ARHGAP31: variants seen among roughly 807,000 people sequenced by gnomAD.
ARHGAP31 encodes the protein Rho GTPase activating protein 31, also known as rho GTPase-activating protein 31.
A neutral mutation model predicts 113.9 loss-of-function variants in ARHGAP31; 34 were observed. The observed-to-expected ratio is 0.30, with a 90% CI of 0.23 to 0.40. The LOEUF (loss-of-function observed/expected upper bound fraction) is 0.40. Ranked by LOEUF, ARHGAP31 falls within the 10% of genes least tolerant of loss-of-function variation. ARHGAP31 has a pLI of 1.00. For missense variants in ARHGAP31, 1,548 were observed against 1,767.1 expected (o/e 0.88, Z 2.22); for synonymous variants, 650 against 684.8 (o/e 0.95, Z 0.79).
chr3:119,398,605 G>T (rs571218377), intron 8 of ARHGAP31, among the ~76,000 whole-genome samples: 1 of 152,282 alleles, frequency 6.6e-6, no homozygotes, highest in African/African-American at 2.4e-5. Flanking sequence ...AAGATGCATG[G>T]TGCATACCCA....
At chr3:119,408,755 T>C (rs1285694019) in intron 10 of ARHGAP31, among the ~76,000 whole-genome samples, 1 of 152,204 alleles carries the variant, frequency 6.6e-6, no homozygotes, top group Non-Finnish European at 1.5e-5. Flanking sequence ...AACAGCTTTA[T>C]GCAAAGAAAT....
At chr3:119,397,630 G>A (rs1361644665) in intron 8 of ARHGAP31, among the ~76,000 whole-genome samples, 1 of 152,252 alleles carries the variant, frequency 6.6e-6, no homozygotes, top group Non-Finnish European at 1.5e-5. Flanking sequence ...GCGTCCCACA[G>A]TGGGCCCCAG....
chr3:119,406,366 T>C (rs1397392661), intron 10 of ARHGAP31, among the ~76,000 whole-genome samples: 1 of 152,234 alleles, frequency 6.6e-6, no homozygotes, highest in Non-Finnish European at 1.5e-5. Context: ...AAATTATGGA[T>C]GCATTTACCC....
chr3:119,310,532 C>T (rs561410525), intron 1 of ARHGAP31, among the ~76,000 whole-genome samples: 1 of 152,310 alleles, frequency 6.6e-6, no homozygotes. Context: ...GCTCTGCTTC[C>T]TGTCAGATCA....
intron 1 of ARHGAP31, among the ~76,000 whole-genome samples, chr3:119,341,364 T>C (rs2080007005): frequency 6.6e-6 from 1 of 152,226 alleles, no homozygotes; most frequent in African/African-American, 2.4e-5. Flanking sequence ...CAAACTAGTA[T>C]GTAACACTTT....
intron 1 of ARHGAP31, among the ~76,000 whole-genome samples, chr3:119,320,838 G>A (rs1177786312): frequency 6.6e-6 from 1 of 152,074 alleles, no homozygotes; most frequent in Non-Finnish European, 1.5e-5. Context: ...GAATTCCCAC[G>A]TGTTGTGGGA....
chr3:119,332,568 A>C (rs1482148089), intron 1 of ARHGAP31, among the ~76,000 whole-genome samples: 1 of 150,468 alleles, frequency 6.6e-6, no homozygotes, highest in Non-Finnish European at 1.5e-5. Context: ...GTCTCTCTGG[A>C]GCAGAGTGCA....
chr3:119,371,944 C>A (rs1181928459), intron 3 of ARHGAP31, among the ~76,000 whole-genome samples: 1 of 152,152 alleles, frequency 6.6e-6, no homozygotes, highest in East Asian at 1.9e-4. Flanking sequence ...TGATCTTATT[C>A]TTTTTTAAGG....
chr3:119,413,563 C>T (rs1037054756), intron 11 of ARHGAP31, among the ~76,000 whole-genome samples: 2 of 152,114 alleles, frequency 1.3e-5, no homozygotes, highest in Non-Finnish European at 2.9e-5. Context: ...TGCTGTATGA[C>T]TTAGATAAAT....
intron 1 of ARHGAP31, among the ~76,000 whole-genome samples, chr3:119,335,694 A>G (rs886428178): frequency 6.6e-6 from 1 of 152,200 alleles, no homozygotes; most frequent in African/African-American, 2.4e-5. Context: ...CTGTGGCTGC[A>G]AGGTAAGATA....
intron 4 of ARHGAP31, among the ~76,000 whole-genome samples, chr3:119,381,604 T>C (rs781431338): frequency 2.6e-5 from 4 of 152,182 alleles, no homozygotes; most frequent in African/African-American, 4.8e-5. Flanking sequence ...CTGGGAGAAT[T>C]TTTATTAAAA....
At chr3:119,407,932 G>C (rs187214042) in intron 10 of ARHGAP31, among the ~76,000 whole-genome samples, 1 of 152,318 alleles carries the variant, frequency 6.6e-6, no homozygotes, top group Admixed American at 6.5e-5. Flanking sequence ...AATTGCATCT[G>C]TACTAAACAT....
chr3:119,399,353 T>C (rs1430881391), intron 9 of ARHGAP31, 92 bp downstream of exon 9: 2 of 1,101,562 alleles, frequency 1.8e-6, no homozygotes, highest in African/African-American at 3.1e-5. Context: ...TGCTTCTCTA[T>C]AGTCACAGTC....
intron 3 of ARHGAP31, among the ~76,000 whole-genome samples, chr3:119,373,036 A>T (rs1245459772): frequency 1.3e-5 from 2 of 152,246 alleles, no homozygotes; most frequent in Non-Finnish European, 2.9e-5. Flanking sequence ...CATCTTTACC[A>T]TTTAGCAGAT....
At chr3:119,359,378 G>A (rs1464904336) in intron 1 of ARHGAP31, among the ~76,000 whole-genome samples, 1 of 151,638 alleles carries the variant, frequency 6.6e-6, no homozygotes, top group South Asian at 2.1e-4. Context: ...TTTCTCCAAG[G>A]AGGACAAGCC....
intron 1 of ARHGAP31, among the ~76,000 whole-genome samples, chr3:119,318,086 G>A (rs1479500626): frequency 6.7e-6 from 1 of 149,974 alleles, no homozygotes; most frequent in Non-Finnish European, 1.5e-5. Flanking sequence ...AACATACTGA[G>A]ACTTGGTCTG....
At chr3:119,295,636 T>C (rs2107589623) in intron 1 of ARHGAP31, among the ~76,000 whole-genome samples, 1 of 152,132 alleles carries the variant, frequency 6.6e-6, no homozygotes, top group East Asian at 1.9e-4. Context: ...GGCTTTCAGA[T>C]TAACATTTGG....
At chr3:119,309,778 C>G (rs1364359062) in intron 1 of ARHGAP31, among the ~76,000 whole-genome samples, 1 of 151,854 alleles carries the variant, frequency 6.6e-6, no homozygotes, top group Admixed American at 6.6e-5. Context: ...ATCCCCCCCA[C>G]CACAACCACC....
chr3:119,411,280 A>G (rs2080714327), intron 11 of ARHGAP31, among the ~76,000 whole-genome samples: 1 of 152,144 alleles, frequency 6.6e-6, no homozygotes, highest in Admixed American at 6.5e-5. Context: ...GAATGGCTTG[A>G]AGAAAGGAGG....
Sources: allele counts gnomAD v4.1 joint callset (sites outside exome capture counted in the v4.1 genomes callset), GRCh38; gene constraint gnomAD v4.1.1; transcripts MANE v1.5; gene names NCBI Gene and HGNC (gene_info 2026-07-23, HGNC 2026-07-21).